The following USP31 variants were observed in gnomAD, a reference collection of about 807,000 sequenced individuals.
USP31 encodes ubiquitin carboxyl-terminal hydrolase 31.
USP31 carries 44 observed loss-of-function variants against 119.4 expected under a neutral mutation model. That is an observed-to-expected ratio of 0.37 (90% CI 0.29 to 0.47). The LOEUF (loss-of-function observed/expected upper bound fraction) is 0.47, where lower values mean the gene tolerates loss of function less well. Ranked by LOEUF, USP31 falls within the 20% of genes least tolerant of loss-of-function variation. The pLI is 0.99. For synonymous variants in USP31, 749 were observed against 705.6 expected, an observed-to-expected ratio of 1.06 and a Z score of -0.97; for missense variants, 1,643 against 1,730.2, an observed-to-expected ratio of 0.95 and a Z score of 0.89.
At chr16:23,127,435 A>C (rs935645427) in intron 1 of USP31, among the ~76,000 whole-genome samples, 23 of 151,760 alleles carry the variant, frequency 1.5e-4, no homozygotes, top group African/African-American at 5.3e-4. Context: ...AAAAAAGAAA[A>C]CCTCATTTTA....
intron 14 of USP31, 85 bp from the exon 15 acceptor site, chr16:23,072,282 G>C: frequency 6.5e-7 from 1 of 1,528,176 alleles, no homozygotes; most frequent in Non-Finnish European, 8.8e-7. Flanking sequence ...AAGGTGTTAC[G>C]AGCTGAGCTG....
chr16:23,096,780 G>T (rs149135367), intron 6 of USP31, among the ~76,000 whole-genome samples: 3,115 of 152,294 alleles, frequency 0.02, 47 homozygotes, highest in Non-Finnish European at 0.034. Flanking sequence ...AAATAAAGAT[G>T]TTCTTTGAAA....
chr16:23,090,542 T>A (rs1901310757), intron 7 of USP31, 82 bp downstream of exon 7: 1 of 1,367,500 alleles, frequency 7.3e-7, no homozygotes, highest in South Asian at 2.0e-5. Context: ...AGTAAGAACT[T>A]TTTGCCCATG....
rs1411263161 is a variant in USP31, at chr16:23,062,254, AT to A, written c.*5791del. The stretch of plus-strand genomic sequence containing the variant: ...TCAGCTCACCACAGATTAAAACTAA[AT>A]TTTATTTGCCTCCACAGTTAACACA... On this transcript the variant is annotated 3_prime_UTR_variant, in exon 16 of 16. Coordinates refer to ENST00000219689, the MANE Select transcript of USP31 (RefSeq NM_020718.4). 1 of 152,474 alleles carries A rather than the reference AT, an allele frequency of 6.6e-6. No homozygotes were observed. The highest frequency in any genetic ancestry group is 2.4e-5 in the African/African-American group (1 of 41,454). The allele number at this position is 152,474 out of a possible 1,614,324, so 9.4% of individuals were successfully genotyped here. A position where few individuals can be genotyped will look rare whatever the true frequency, so the allele number is the denominator to read the frequency against.
In USP31 at chr16:23,068,603, C is replaced by T. The variant is rs1194371183; in HGVS notation, c.3502G>A (p.Ala1168Thr). 6.2e-7 allele frequency: 1 copy of T among 1,614,214 alleles called. No individual in the cohort carries two copies. The highest frequency in any genetic ancestry group is 8.5e-7 in the Non-Finnish European group (1 of 1,180,034). ...GSRQSLGSDRASATSTSKPNS... is the reference protein window; with the variant it reads ...GSRQSLGSDRTSATSTSKPNS... ...GGTTTGGAGGTGGAGGTGGCGCTGG[C>T]TCTGTCAGAACCCAAGCTTTGTCTG... Residue 1168 changes from alanine to threonine, a missense_variant, in exon 16 of 16, where the codon GCC (alanine) becomes ACC (threonine). Around this residue, in one of 5 missense-constraint regions of USP31, gnomAD observed 699 missense variants for 650.9 expected, o/e 1.07. Coordinates refer to ENST00000219689, the MANE Select transcript of USP31 (RefSeq NM_020718.4).
chr16:23,089,089 G>T (rs888930135), intron 7 of USP31, among the ~76,000 whole-genome samples: 1 of 152,154 alleles, frequency 6.6e-6, no homozygotes, highest in African/African-American at 2.4e-5. Context: ...CTCTTTAAGA[G>T]ACTAGCATCA....
At chr16:23,070,707 C>T (rs1477051712) in intron 15 of USP31, among the ~76,000 whole-genome samples, 1 of 137,054 alleles carries the variant, frequency 7.3e-6, no homozygotes, top group Non-Finnish European at 1.6e-5. Context: ...AGACAGACTC[C>T]GTTTAAAAAA....
intron 7 of USP31, among the ~76,000 whole-genome samples, chr16:23,088,086 G>GC (rs1331157145): frequency 3.3e-5 from 5 of 152,170 alleles, no homozygotes; most frequent in Non-Finnish European, 5.9e-5. Flanking sequence ...ACAGCAGGTG[G>GC]CAACGGGGCA....
intron 9 of USP31, 31 bp from the exon 10 acceptor site, chr16:23,085,693 C>T: frequency 6.5e-7 from 1 of 1,537,386 alleles, no homozygotes; most frequent in Non-Finnish European, 9.0e-7. Flanking sequence ...AGAGGGAAGC[C>T]ACATATTATT....
At chr16:23,133,414 T>C (rs1166002158) in intron 1 of USP31, among the ~76,000 whole-genome samples, 1 of 152,206 alleles carries the variant, frequency 6.6e-6, no homozygotes, top group African/African-American at 2.4e-5. Context: ...AGAGATTCGA[T>C]GTTGAATAAG....
chr16:23,135,097 G>C (rs1903148201), intron 1 of USP31, among the ~76,000 whole-genome samples: 1 of 132,406 alleles, frequency 7.6e-6, no homozygotes, highest in South Asian at 2.4e-4. Context: ...AGTTGATGCA[G>C]AAGAAAGCAT....
intron 1 of USP31, among the ~76,000 whole-genome samples, chr16:23,127,469 T>C (rs924816442): frequency 6.6e-6 from 1 of 151,814 alleles, no homozygotes; most frequent in African/African-American, 2.4e-5. Flanking sequence ...AAGAAACAAC[T>C]GATTTTTTTT....
Position 23,069,545 on chromosome 16 carries a change from T to C in USP31, c.2560A>G (p.Ser854Gly), listed in dbSNP as rs747309348. 2 of 1,614,092 alleles carry C rather than the reference T, an allele frequency of 1.2e-6. No homozygotes were observed. Among genetic ancestry groups the C allele is most frequent in the Non-Finnish European group, 1.7e-6 (2 of 1,179,936 alleles). Reference sequence around the variant, plus strand: ...CAATTTTCATTGACGGCCAAGGGGCTGGTGACAGAAGATCTGGATGACAAA... The same window carrying C: ...CAATTTTCATTGACGGCCAAGGGGCCGGTGACAGAAGATCTGGATGACAAA... The part of the protein sequence containing the change: ...QSLSSRSSVT[S>G]PLAVNENCMR... Residue 854 changes from serine to glycine, a missense_variant, in exon 16 of 16, where the codon AGC becomes GGC. This residue lies in a region of USP31 where 699 missense variants were observed against 650.9 expected (regional missense o/e 1.07). Transcript: ENST00000219689.
chr16:23,125,646 C>T (rs1306880664), intron 1 of USP31, among the ~76,000 whole-genome samples: 1 of 152,070 alleles, frequency 6.6e-6, no homozygotes, highest in Non-Finnish European at 1.5e-5. Flanking sequence ...TTTTCCTTAG[C>T]TACCCTAGTT....
At chr16:23,134,381 G>A (rs1481250269) in intron 1 of USP31, among the ~76,000 whole-genome samples, 1 of 152,128 alleles carries the variant, frequency 6.6e-6, no homozygotes, top group Non-Finnish European at 1.5e-5. Context: ...GAGCCCTGAT[G>A]GCATGCCAGG....
intron 1 of USP31, among the ~76,000 whole-genome samples, chr16:23,116,080 G>A (rs1902476174): frequency 6.6e-6 from 1 of 152,186 alleles, no homozygotes; most frequent in Non-Finnish European, 1.5e-5. Flanking sequence ...ATGAATGACT[G>A]GAAGTTGGGC....
Position 23,142,320 on chromosome 16 carries a change from T to C in USP31, c.633+6318A>G, listed in dbSNP as rs1179919231. ...TGAAACAGTCTGAAAGGAATGTGTT[T>C]TAAGAAAGACTTCCAAAAACACCTA... On this transcript the variant is annotated intron_variant, in intron 1 of 15. Transcript: ENST00000219689. Among the ~76,000 whole-genome samples, 4 of 152,192 alleles carry C rather than the reference T, an allele frequency of 2.6e-5. No individual in the cohort carries two copies. In the South Asian group the frequency reaches 6.2e-4, roughly 24 times the overall value.
chr16:23,079,853 G>T, intron 13 of USP31, 93 bp downstream of exon 13: 1 of 1,217,056 alleles, frequency 8.2e-7, no homozygotes, highest in Non-Finnish European at 1.1e-6. Flanking sequence ...CTACCGGAGG[G>T]GAAATGAGGC....
chr16:23,071,747 G>GA (rs11383816), intron 15 of USP31, among the ~76,000 whole-genome samples: 137,517 of 145,764 alleles, frequency 0.94, 64,942 homozygotes, highest in South Asian at 0.98. Flanking sequence ...AACACTTTGG[G>GA]AAAAAAAAAA....
Sources: gnomAD v4.1 joint callset for allele counts (sites outside exome capture counted in the v4.1 genomes callset) on GRCh38, gnomAD v4.1.1 for gene constraint, gnomAD v4.1.1 regional missense constraint, MANE v1.5 for transcripts, NCBI Gene and HGNC (gene_info 2026-07-23, HGNC 2026-07-21) for gene names.